The following PLCXD2 variants were observed in gnomAD, a reference collection of about 807,000 sequenced individuals.
PLCXD2 encodes the protein phosphatidylinositol specific phospholipase C X domain containing 2.
In PLCXD2, 21 loss-of-function variants were observed where a neutral mutation model predicts 28.6. The ratio of observed to expected loss-of-function variants is 0.73; its 90% CI spans 0.52 to 1.06. The LOEUF (loss-of-function observed/expected upper bound fraction) is 1.06. Among genes scored for constraint, PLCXD2 ranks in the 50% least tolerant of loss-of-function variants. The pLI is 0.00. For missense variants in PLCXD2, 369 were observed against 376.7 expected, an observed-to-expected ratio of 0.98 and a Z score of 0.17; for synonymous variants, 140 against 150.1, an observed-to-expected ratio of 0.93 and a Z score of 0.49.
At chr3:111,692,621 G>A (rs1940904844) in intron 1 of PLCXD2, 1 of 152,174 alleles carries the variant, frequency 6.6e-6, no homozygotes, top group Admixed American at 6.5e-5. Context: ...TTATGTCATT[G>A]ACCCAGTTTT....
At chr3:111,697,759 A>G (rs1275039828) in intron 1 of PLCXD2, among the ~76,000 whole-genome samples, 1 of 152,214 alleles carries the variant, frequency 6.6e-6, no homozygotes, top group Non-Finnish European at 1.5e-5. Context: ...ACTTGATGAC[A>G]TCTAATTTTA....
intron 2 of PLCXD2, among the ~76,000 whole-genome samples, chr3:111,712,027 C>G (rs1941205557): frequency 6.6e-6 from 1 of 151,936 alleles, no homozygotes; most frequent in Non-Finnish European, 1.5e-5. Context: ...CAGAGAAAAA[C>G]ACAGCAGACA....
chr3:111,717,377 T>A (rs1941281587), intron 3 of PLCXD2, among the ~76,000 whole-genome samples: 1 of 152,174 alleles, frequency 6.6e-6, no homozygotes, highest in African/African-American at 2.4e-5. Context: ...CCATGGGAAC[T>A]GTTGCCTCAC....
At chr3:111,687,639 C>T (rs1235138995) in intron 1 of PLCXD2, among the ~76,000 whole-genome samples, 1 of 151,700 alleles carries the variant, frequency 6.6e-6, no homozygotes, top group African/African-American at 2.4e-5. Flanking sequence ...TTTAAGAACA[C>T]ATGTTCATCC....
At chr3:111,696,335 G>GT (rs1201558683) in intron 1 of PLCXD2, among the ~76,000 whole-genome samples, 19 of 151,846 alleles carry the variant, frequency 1.3e-4, no homozygotes, top group South Asian at 4.2e-4. Context: ...TGAGCAAAGG[G>GT]TTTTTTTTGG....
chr3:111,717,677 T>G (rs774124263), intron 3 of PLCXD2, among the ~76,000 whole-genome samples: 1 of 152,186 alleles, frequency 6.6e-6, no homozygotes, highest in Non-Finnish European at 1.5e-5. Flanking sequence ...CTGCAGTGAC[T>G]GGAGTTACAA....
intron 3 of PLCXD2, chr3:111,725,171 G>A (rs545920141): frequency 6.5e-6 from 1 of 153,130 alleles, no homozygotes; most frequent in South Asian, 2.1e-4. Context: ...TGAGAGGTGG[G>A]CTTTCCCAGT....
intron 3 of PLCXD2, chr3:111,725,496 G>A (rs1035914900): frequency 3.8e-5 from 15 of 396,830 alleles, no homozygotes; most frequent in Admixed American, 1.3e-4. Context: ...GACGCTCTCC[G>A]TAGCTTCTGG....
intron 3 of PLCXD2, among the ~76,000 whole-genome samples, chr3:111,715,740 A>G (rs1941258668): frequency 6.6e-6 from 1 of 152,216 alleles, no homozygotes. Context: ...GTAAAAGTCA[A>G]GAATACCTCT....
At chr3:111,680,211 A>T (rs1940691671) in intron 1 of PLCXD2, among the ~76,000 whole-genome samples, 2 of 152,146 alleles carry the variant, frequency 1.3e-5, no homozygotes, top group Non-Finnish European at 1.5e-5. Context: ...CCCTTAGTGG[A>T]GCAGGATGGA....
intron 3 of PLCXD2, among the ~76,000 whole-genome samples, chr3:111,718,228 G>C (rs891074278): frequency 2.0e-5 from 3 of 152,164 alleles, no homozygotes; most frequent in African/African-American, 7.2e-5. Context: ...ACTTTGGGAG[G>C]CCGAGGTGGG....
chr3:111,704,513 ATC>A (rs1941089208), intron 1 of PLCXD2, among the ~76,000 whole-genome samples: 1 of 152,218 alleles, frequency 6.6e-6, no homozygotes, highest in Admixed American at 6.5e-5. Context: ...TAAAAAGATA[ATC>A]TCTGTCTAGG....
intron 3 of PLCXD2, among the ~76,000 whole-genome samples, chr3:111,714,995 G>A (rs1941249670): frequency 6.6e-6 from 1 of 152,160 alleles, no homozygotes; most frequent in Non-Finnish European, 1.5e-5. Context: ...TTCAGATAAT[G>A]AAAGATTCAT....
chr3:111,704,356 T>C (rs1019855480), intron 1 of PLCXD2, among the ~76,000 whole-genome samples: 24 of 152,182 alleles, frequency 1.6e-4, no homozygotes, highest in African/African-American at 5.3e-4. Context: ...TAGTGGATAA[T>C]AGACATAAGA....
chr3:111,713,330 T>C (rs997880586), intron 2 of PLCXD2, among the ~76,000 whole-genome samples: 1 of 152,224 alleles, frequency 6.6e-6, no homozygotes, highest in African/African-American at 2.4e-5. Flanking sequence ...CCATAGATTA[T>C]GAGGGCAGGC....
intron 3 of PLCXD2, among the ~76,000 whole-genome samples, chr3:111,714,750 A>G (rs1252605408): frequency 6.6e-6 from 1 of 152,136 alleles, no homozygotes; most frequent in Non-Finnish European, 1.5e-5. Context: ...AGGATGGTTT[A>G]TTTGTATGCG....
intron 1 of PLCXD2, among the ~76,000 whole-genome samples, chr3:111,678,850 G>A (rs996248178): frequency 6.6e-6 from 1 of 152,076 alleles, no homozygotes; most frequent in African/African-American, 2.4e-5. Flanking sequence ...GTCATTTTAG[G>A]TCTAAAACCT....
Position 111,714,040 on chromosome 3 carries a change from T to C in PLCXD2, c.778T>C (p.Phe260Leu), listed in dbSNP as rs1390941139. The change falls in exon 3 of 5, where the codon TTC becomes CTC. Residue 260 changes from phenylalanine to leucine, a missense_variant. Physicochemically the swap from Phe to Leu is conservative, Grantham distance 22 (BLOSUM62 0). Coordinates refer to ENST00000477665, the MANE Select transcript of PLCXD2 (RefSeq NM_001185106.1). Reference sequence around the variant, plus strand: ...GAGTGAGCGGGCCTCACGGGGCTCCTTCCATGTCTCCCAAGCGATCCTCAC... The same window carrying C: ...GAGTGAGCGGGCCTCACGGGGCTCCCTCCATGTCTCCCAAGCGATCCTCAC... The C allele has an allele frequency of 2.5e-6, 4 of 1,614,170 alleles. No individual in the cohort carries two copies. The highest frequency in any genetic ancestry group is 1.7e-6 in the Non-Finnish European group (2 of 1,180,018).
At chr3:111,681,886 C>A (rs1378483500) in intron 1 of PLCXD2, among the ~76,000 whole-genome samples, 1 of 152,200 alleles carries the variant, frequency 6.6e-6, no homozygotes, top group Non-Finnish European at 1.5e-5. Flanking sequence ...AGCACAGGCA[C>A]ACTAAAGGTA....
Sources: gnomAD v4.1 joint callset for allele counts (sites outside exome capture counted in the v4.1 genomes callset) on GRCh38, gnomAD v4.1.1 for gene constraint, MANE v1.5 for transcripts, NCBI Gene and HGNC (gene_info 2026-07-23, HGNC 2026-07-21) for gene names.